The following COMMD1 variants were observed in gnomAD, a reference collection of about 807,000 sequenced individuals.
COMMD1 encodes the protein COMM domain-containing protein 1.
Under a neutral mutation model 17.2 loss-of-function variants are expected in COMMD1, and 10 were observed. The ratio of observed to expected loss-of-function variants is 0.58; its 90% confidence interval spans 0.36 to 0.99. The LOEUF (loss-of-function observed/expected upper bound fraction) is 0.99, where lower values mean the gene tolerates loss of function less well. Ranked by LOEUF, COMMD1 falls within the 50% of genes least tolerant of loss-of-function variation. The pLI is 0.01. For synonymous variants in COMMD1, 97 were observed against 91.6 expected (o/e 1.06, Z -0.34); for missense variants, 270 against 231.8 (o/e 1.17, Z -1.07).
chr2:62,080,270 T>C (rs1326018866), intron 2 of COMMD1, among the ~76,000 whole-genome samples: 5 of 152,192 alleles, frequency 3.3e-5, no homozygotes, highest in East Asian at 3.9e-4. Flanking sequence ...TTGGACAACA[T>C]AGGGAGACCC....
At chr2:62,020,135 T>C (rs941728298) in intron 2 of COMMD1, among the ~76,000 whole-genome samples, 1 of 152,238 alleles carries the variant, frequency 6.6e-6, no homozygotes, top group Non-Finnish European at 1.5e-5. Context: ...CTTCTCTATG[T>C]GAAGACCTGT....
chr2:62,004,426 C>T lies in COMMD1; in HGVS notation c.462+3444C>T, dbSNP rs1173477235. On this transcript the variant is annotated intron_variant, in intron 2 of 2. Transcript: ENST00000311832. ...AGTGGTTCTCTTGCCTCAGCCTCCC[C>T]GAGTAGCTGGGATTACAGGTGCCTG... Among the ~76,000 whole-genome samples the T allele has an allele frequency of 7.9e-5, 12 of 152,150 alleles. No homozygotes were observed. The East Asian group carries it at 1.7e-3, about 22-fold the overall frequency.
chr2:62,049,069 A>C (rs149245878), intron 2 of COMMD1, among the ~76,000 whole-genome samples: 1 of 152,306 alleles, frequency 6.6e-6, no homozygotes, highest in East Asian at 1.9e-4. Context: ...ATCACATTAC[A>C]TGCAATAGAA....
intron 2 of COMMD1, among the ~76,000 whole-genome samples, chr2:62,055,033 T>G (rs1463616441): frequency 6.6e-6 from 1 of 152,172 alleles, no homozygotes; most frequent in Non-Finnish European, 1.5e-5. Flanking sequence ...CAGATTAACA[T>G]TGGCAGAGAA....
intron 1 of COMMD1, among the ~76,000 whole-genome samples, chr2:61,996,281 G>T (rs965093090): frequency 4.0e-5 from 6 of 151,682 alleles, no homozygotes; most frequent in Non-Finnish European, 7.4e-5. Context: ...CTGGTGGAGG[G>T]TCTTGCCTTG....
At chr2:61,930,504 C>T (rs1264565483) in intron 1 of COMMD1, among the ~76,000 whole-genome samples, 2 of 151,846 alleles carry the variant, frequency 1.3e-5, no homozygotes, top group African/African-American at 2.4e-5. Flanking sequence ...TGCAGTGAGC[C>T]GAGATAATGC....
At chr2:61,927,980 G>A (rs1670371692) in intron 1 of COMMD1, among the ~76,000 whole-genome samples, 1 of 151,752 alleles carries the variant, frequency 6.6e-6, no homozygotes, top group Admixed American at 6.6e-5. Context: ...GGTCAGGCTG[G>A]TTTCAAACTC....
At chr2:62,114,419 T>C (rs1194371643) in intron 2 of COMMD1, among the ~76,000 whole-genome samples, 1 of 152,242 alleles carries the variant, frequency 6.6e-6, no homozygotes, top group Non-Finnish European at 1.5e-5. Context: ...AAGGGAATTA[T>C]GGAAATGAAG....
chr2:61,968,521 G>A (rs2103715823), intron 1 of COMMD1, among the ~76,000 whole-genome samples: 1 of 152,138 alleles, frequency 6.6e-6, no homozygotes, highest in Non-Finnish European at 1.5e-5. Flanking sequence ...TTTTCTTTTT[G>A]GACTATATCT....
chr2:62,132,630 A>C (rs1048492911), intron 2 of COMMD1, among the ~76,000 whole-genome samples: 2 of 152,158 alleles, frequency 1.3e-5, no homozygotes, highest in African/African-American at 4.8e-5. Context: ...AGATCACTTG[A>C]GGTCAGGAGT....
intron 1 of COMMD1, among the ~76,000 whole-genome samples, chr2:61,922,608 G>A (rs1655696231): frequency 6.6e-6 from 1 of 152,180 alleles, no homozygotes; most frequent in Admixed American, 6.5e-5. Flanking sequence ...GAGCCACCAT[G>A]CCCGGCCTAG....
intron 1 of COMMD1, among the ~76,000 whole-genome samples, chr2:61,918,840 A>G (rs1242710579): frequency 6.6e-6 from 1 of 152,126 alleles, no homozygotes. Context: ...TGTCTTAATA[A>G]AACACCCACA....
chr2:62,037,865 T>C (rs1268153199), intron 2 of COMMD1, among the ~76,000 whole-genome samples: 1 of 152,242 alleles, frequency 6.6e-6, no homozygotes, highest in African/African-American at 2.4e-5. Context: ...TGTTCCAGTT[T>C]TGGCTGTCAC....
Position 62,135,826 on chromosome 2 carries a change from TC to T in COMMD1, c.463-3del. 1 of 1,428,336 alleles carries T rather than the reference TC, an allele frequency of 7.0e-7. No individual in the cohort carries two copies. The allele number at this position is 1,428,336 out of a possible 1,614,324, so 88.5% of individuals were successfully genotyped here. ...CCCTCTAAAATATCCTTTTATGTTT[TC>T]CAGGAATCTGAATTTCTGTGTTTGG... On this transcript the variant is annotated splice_region_variant and splice_polypyrimidine_tract_variant and intron_variant, in intron 2 of 2. Transcript: ENST00000311832.
In COMMD1 at chr2:62,135,988, G is replaced by T; in HGVS notation, c.*47G>T. On this transcript the variant is annotated 3_prime_UTR_variant, in exon 3 of 3. Transcript: ENST00000311832. ...GAGTTGTTGAAACCAAGGTGTCCAT[G>T]ATCCCTCCCCACTGACCTTTTCTAA... 2 of 961,580 alleles carry T rather than the reference G, an allele frequency of 2.1e-6. No homozygotes were observed. Among genetic ancestry groups the T allele is most frequent in the South Asian group, 2.6e-5 (2 of 78,178 alleles). The allele number at this position is 961,580 out of a possible 1,614,324, so 59.6% of individuals were successfully genotyped here. A position where few individuals can be genotyped will look rare whatever the true frequency, so the allele number is the denominator to read the frequency against.
chr2:62,059,970 C>T (rs1670812905), intron 2 of COMMD1, among the ~76,000 whole-genome samples: 1 of 151,924 alleles, frequency 6.6e-6, no homozygotes. Context: ...TTTAATTTCT[C>T]TCTTGGGTTT....
chr2:62,134,665 C>A (rs566434275), intron 2 of COMMD1, among the ~76,000 whole-genome samples: 1 of 151,690 alleles, frequency 6.6e-6, no homozygotes, highest in Non-Finnish European at 1.5e-5. Context: ...GTAGTCCTAG[C>A]TACTCAGGAG....
chr2:62,058,685 G>A (rs1396358470), intron 2 of COMMD1, among the ~76,000 whole-genome samples: 3 of 151,982 alleles, frequency 2.0e-5, no homozygotes, highest in Admixed American at 2.0e-4. Flanking sequence ...GCTGCAGTGA[G>A]CCATTATCGT....
At chr2:61,963,805 A>G (rs1483339304) in intron 1 of COMMD1, among the ~76,000 whole-genome samples, 4 of 152,184 alleles carry the variant, frequency 2.6e-5, no homozygotes, top group African/African-American at 9.7e-5. Flanking sequence ...CAAAGGAGAA[A>G]AGAGGCCTGG....
Sources: allele counts gnomAD v4.1 joint callset (sites outside exome capture counted in the v4.1 genomes callset), GRCh38; gene constraint gnomAD v4.1.1; transcripts MANE v1.5; gene names NCBI Gene and HGNC (gene_info 2026-07-23, HGNC 2026-07-21).